Variants in DAB1 observed in about 807,000 individuals in gnomAD.
DAB1 encodes the protein disabled homolog 1.
A neutral mutation model predicts 64.6 loss-of-function variants in DAB1; 15 were observed. The ratio of observed to expected loss-of-function variants is 0.23; its 90% CI spans 0.16 to 0.36. DAB1 has a LOEUF of 0.36. Ranked by LOEUF, DAB1 falls within the 10% of genes least tolerant of loss-of-function variation. DAB1 has a pLI of 1.00. For synonymous variants in DAB1, 235 were observed against 251.9 expected, an observed-to-expected ratio of 0.93 and a Z score of 0.64; for missense variants, 596 against 706.7, an observed-to-expected ratio of 0.84 and a Z score of 1.78.
At chr1:57,914,729 A>T (rs561138349) in intron 5 of DAB1, among the ~76,000 whole-genome samples, 1 of 152,354 alleles carries the variant, frequency 6.6e-6, no homozygotes, top group South Asian at 2.1e-4. Flanking sequence ...AACAACCTAT[A>T]TATCTTGTAT....
intron 4 of DAB1, among the ~76,000 whole-genome samples, chr1:58,266,722 A>G (rs1157250312): frequency 1.3e-5 from 2 of 152,174 alleles, no homozygotes; most frequent in Non-Finnish European, 2.9e-5. Flanking sequence ...GAATTGGAGG[A>G]TTTTTCCCAA....
chr1:57,566,289 A>G (rs1216585036), intron 7 of DAB1, among the ~76,000 whole-genome samples: 1 of 152,218 alleles, frequency 6.6e-6, no homozygotes. Context: ...TGTAGAGGGA[A>G]ATTTATAGCA....
chr1:57,207,294 T>C (rs1665643435), intron 2 of DAB1, among the ~76,000 whole-genome samples: 1 of 151,596 alleles, frequency 6.6e-6, no homozygotes, highest in Middle Eastern at 3.5e-3. Context: ...TATTAACAAA[T>C]AGCATTTGCT....
intron 4 of DAB1, among the ~76,000 whole-genome samples, chr1:58,188,917 C>G (rs1209852465): frequency 6.6e-6 from 1 of 152,096 alleles, no homozygotes; most frequent in East Asian, 1.9e-4. Context: ...CACAAGGGAA[C>G]CAAGCACAGC....
chr1:58,393,569 C>G (rs946896609), intron 3 of DAB1, among the ~76,000 whole-genome samples: 1 of 152,116 alleles, frequency 6.6e-6, no homozygotes, highest in Non-Finnish European at 1.5e-5. Flanking sequence ...GCTGGACTTG[C>G]AAGTGCCACA....
chr1:57,085,872 A>G (rs546042368), intron 4 of DAB1, among the ~76,000 whole-genome samples: 1 of 152,296 alleles, frequency 6.6e-6, no homozygotes, highest in East Asian at 1.9e-4. Flanking sequence ...TAGCCAGGGT[A>G]AGCATGGAGG....
At chr1:58,357,844 T>C (rs1315890301) in intron 3 of DAB1, among the ~76,000 whole-genome samples, 1 of 152,166 alleles carries the variant, frequency 6.6e-6, no homozygotes, top group Non-Finnish European at 1.5e-5. Context: ...AGGAGGAACC[T>C]GTAAAGGAGA....
chr1:57,472,108 C>T (rs72909300), intron 7 of DAB1, among the ~76,000 whole-genome samples: 12,337 of 152,326 alleles, frequency 0.081, 1,198 homozygotes, highest in African/African-American at 0.23. Context: ...TGTGTACTCT[C>T]AGTTACCTAG....
chr1:57,063,326 C>T (rs573897315), intron 8 of DAB1, among the ~76,000 whole-genome samples: 2 of 152,196 alleles, frequency 1.3e-5, no homozygotes, highest in African/African-American at 4.8e-5. Context: ...AAACAGTTTG[C>T]AGCTGAGCTT....
chr1:57,418,299 C>G (rs1255212481), intron 1 of DAB1, among the ~76,000 whole-genome samples: 4 of 151,970 alleles, frequency 2.6e-5, no homozygotes, highest in Admixed American at 6.6e-5. Flanking sequence ...TGAATAAAAA[C>G]AAAGAGACAT....
intron 7 of DAB1, among the ~76,000 whole-genome samples, chr1:57,496,785 C>A (rs983933377): frequency 3.9e-5 from 6 of 152,206 alleles, no homozygotes; most frequent in African/African-American, 1.4e-4. Context: ...GATTTGCTTT[C>A]AGCACCAGCA....
intron 3 of DAB1, among the ~76,000 whole-genome samples, chr1:58,500,871 C>T (rs1645895821): frequency 6.6e-6 from 1 of 152,076 alleles, no homozygotes. Flanking sequence ...TTCTCTTATT[C>T]ACATCTATTC....
chr1:57,827,995 G>T (rs1029590813), intron 1 of DAB1, among the ~76,000 whole-genome samples: 2 of 152,168 alleles, frequency 1.3e-5, no homozygotes, highest in Non-Finnish European at 2.9e-5. Flanking sequence ...GCCCAGGCTG[G>T]AGTGCAGTGG....
At chr1:57,342,343 A>T (rs1237922875) in intron 1 of DAB1, among the ~76,000 whole-genome samples, 1 of 152,204 alleles carries the variant, frequency 6.6e-6, no homozygotes, top group East Asian at 1.9e-4. Context: ...CTGTATTATA[A>T]GAATGTTTTT....
At chr1:57,361,152 C>T (rs935748457) in intron 1 of DAB1, among the ~76,000 whole-genome samples, 17 of 152,022 alleles carry the variant, frequency 1.1e-4, no homozygotes, top group Non-Finnish European at 1.9e-4. Flanking sequence ...AAATAAAGAG[C>T]ATTAGGTAGT....
chr1:57,194,330 T>C (rs1244333636), intron 2 of DAB1, among the ~76,000 whole-genome samples: 1 of 152,224 alleles, frequency 6.6e-6, no homozygotes, highest in African/African-American at 2.4e-5. Context: ...TTTTAATGGA[T>C]GTTCCTGTTT....
chr1:57,764,675 T>C (rs1365811881), intron 6 of DAB1, among the ~76,000 whole-genome samples: 1 of 152,176 alleles, frequency 6.6e-6, no homozygotes, highest in Non-Finnish European at 1.5e-5. Context: ...AGTGAGAACA[T>C]GAGGTATTTA....
chr1:57,582,471 G>A (rs963585548), intron 7 of DAB1, among the ~76,000 whole-genome samples: 5 of 152,186 alleles, frequency 3.3e-5, no homozygotes, highest in Admixed American at 6.5e-5. Flanking sequence ...TGAGATTTGG[G>A]TGGGGACATG....
At chr1:57,223,350 C>T (rs1013798382) in intron 2 of DAB1, among the ~76,000 whole-genome samples, 2 of 152,078 alleles carry the variant, frequency 1.3e-5, no homozygotes, top group Non-Finnish European at 2.9e-5. Context: ...ATGCTTTGGT[C>T]CACAACTTTG....
Sources: gnomAD v4.1 joint callset for allele counts (sites outside exome capture counted in the v4.1 genomes callset) on GRCh38, gnomAD v4.1.1 for gene constraint, MANE v1.5 for transcripts, NCBI Gene and HGNC (gene_info 2026-07-23, HGNC 2026-07-21) for gene names.